Variants in UTP14C observed in about 807,000 individuals in gnomAD.
UTP14C encodes UTP14C small subunit processome component.
Under a neutral mutation model 14.6 loss-of-function variants are expected in UTP14C, and 10 were observed. The ratio of observed to expected loss-of-function variants is 0.68; its 90% CI spans 0.42 to 1.16. The LOEUF (loss-of-function observed/expected upper bound fraction) is 1.16. Ranked by LOEUF, UTP14C falls within the 50% of genes most tolerant of loss-of-function variation. The probability of loss-of-function intolerance (pLI) is 0.00; values close to 1 mark genes in which losing one functional copy is unlikely to be tolerated. For synonymous variants in UTP14C, 315 were observed against 331.6 expected (o/e 0.95, Z 0.54); for missense variants, 818 against 890.8 (o/e 0.92, Z 1.04).
Position 52,032,035 on chromosome 13 carries a change from CATG to C in UTP14C, c.*931_*933del, listed in dbSNP as rs1954311376. ...CAGCAGTTGAGACCAGCCTGAACAA[CATG>C]GTGAAACCCTGTCTGTACTAAAAAT... is the stretch of plus-strand genomic sequence containing the variant. On this transcript the variant is annotated 3_prime_UTR_variant, in exon 2 of 2. Coordinates refer to ENST00000521776, the MANE Select transcript of UTP14C (RefSeq NM_021645.6). The C allele has an allele frequency of 6.4e-6, 1 of 155,642 alleles. No homozygotes were observed. Among genetic ancestry groups the C allele is most frequent in the Non-Finnish European group, 1.5e-5 (1 of 68,062 alleles). The allele number at this position is 155,642 out of a possible 1,614,324, so 9.6% of individuals were successfully genotyped here.
In UTP14C at chr13:52,029,661, A is replaced by C. The variant is rs2140850305; in HGVS notation, c.857A>C (p.Glu286Ala). 1 of 1,614,242 alleles carries C rather than the reference A, an allele frequency of 6.2e-7. No homozygotes were observed. The highest frequency in any genetic ancestry group is 2.2e-5 in the East Asian group (1 of 44,890). ...TVALEEMEKIENARMMERMSL... is the reference protein window; with the variant it reads ...TVALEEMEKIANARMMERMSL... ...GCACTGGAAGAAATGGAAAAAATTG[A>C]AAATGCCAGAATGATGGAAAGAATG... The change falls in exon 2 of 2, where the codon GAA (glutamate) becomes GCA (alanine). Residue 286 changes from glutamate (E) to alanine (A), a missense_variant. By Grantham distance (107) the Glu-to-Ala change is moderately radical (BLOSUM62 -1). Transcript: ENST00000521776.
chr13:52,024,845 TTAAAA>T lies in UTP14C; in HGVS notation c.-574_-570del, dbSNP rs1566706706. The T allele has an allele frequency of 1.9e-6, 3 of 1,613,908 alleles. No homozygotes were observed. Among genetic ancestry groups the T allele is most frequent in the Non-Finnish European group, 1.7e-6 (2 of 1,179,812 alleles). On this transcript the variant is annotated 5_prime_UTR_variant, in exon 1 of 2. It introduces an in-frame stop codon into an upstream open reading frame of the 5' UTR. Transcript: ENST00000521776. ...TTAGGAGTTCAAGAATATGTGGAAT[TTAAAA>T]TAAACATTCCATTTGATGAATTAAA...
rs1468362898 is a variant in UTP14C at position 52,028,793 on chromosome 13, C to A, written c.-12C>A. ...CCATTCTTGGTATACATGAGAGAGG[C>A]TGGCTGCTGAGATGAATGTGAACCA... On this transcript the variant is annotated 5_prime_UTR_variant, in exon 2 of 2. In the 5' UTR this introduces an upstream ATG that the reference lacks. Coordinates refer to ENST00000521776, the MANE Select transcript of UTP14C (RefSeq NM_021645.6). 1 of 1,614,180 alleles carries A rather than the reference C, an allele frequency of 6.2e-7. No homozygotes were observed. The highest frequency in any genetic ancestry group is 2.2e-5 in the East Asian group (1 of 44,882).
chr13:52,026,076 A>C (rs1444489510), intron 1 of UTP14C, among the ~76,000 whole-genome samples: 1 of 152,256 alleles, frequency 6.6e-6, no homozygotes, highest in East Asian at 1.9e-4. Context: ...CTACACAGGC[A>C]AGTGCCGTGC....
Position 52,033,216 on chromosome 13 carries a change from A to AACTT in UTP14C, c.*2112_*2115dup, listed in dbSNP as rs1444685722. 6.0e-6 allele frequency: 1 copy of AACTT among 167,072 alleles called. No individual in the cohort carries two copies. Among genetic ancestry groups the AACTT allele is most frequent in the African/African-American group, 2.4e-5 (1 of 41,438 alleles). The allele number at this position is 167,072 out of a possible 1,614,324, so 10.3% of individuals were successfully genotyped here. A position where few individuals can be genotyped will look rare whatever the true frequency, so the allele number is the denominator to read the frequency against. ...TTTGTCCGCTAGCGTCTGTCTGCAG[A>AACTT]ACTTTCAGGATGACTATTAATTCCT... On this transcript the variant is annotated 3_prime_UTR_variant, in exon 2 of 2. Transcript: ENST00000521776.
Position 52,030,388 on chromosome 13 carries a change from A to T in UTP14C, c.1584A>T (p.Arg528Ser), listed in dbSNP as rs764192896. ...GTTTTCAAAATAAGGAGCTTCCCAG[A>T]CCTGTGTTAGAAGGACAGCAGTCAG... The part of the protein sequence containing the change: ...EDCFQNKELP[R>S]PVLEGQQSER... Residue 528 changes from arginine to serine, a missense_variant, in exon 2 of 2, where the codon AGA becomes AGT. By Grantham distance (110) the Arg-to-Ser change is moderately radical (BLOSUM62 -1). Coordinates refer to ENST00000521776, the MANE Select transcript of UTP14C (RefSeq NM_021645.6). 6.2e-7 allele frequency: 1 copy of T among 1,614,200 alleles called. No individual in the cohort carries two copies. Among genetic ancestry groups the T allele is most frequent in the Non-Finnish European group, 8.5e-7 (1 of 1,180,042 alleles).
rs781555491 is a variant in UTP14C at position 52,024,898 on chromosome 13, A to G, written c.-526A>G. ...AAAGAATTATTTGTCTGAAGCAACA[A>G]TTGGTCTGCATACCATGTGGAACGA... On this transcript the variant is annotated 5_prime_UTR_variant, in exon 1 of 2. Coordinates refer to ENST00000521776, the MANE Select transcript of UTP14C (RefSeq NM_021645.6). The G allele has an allele frequency of 4.3e-6, 7 of 1,612,570 alleles. No homozygotes were observed. In the East Asian group the frequency reaches 6.7e-5, roughly 15 times the overall value.
In UTP14C at chr13:52,030,610, T is replaced by C. The variant is rs1408835886; in HGVS notation, c.1806T>C (p.Asp602=). The part of the protein sequence containing the change: ...QMIKEAFAGD[D]VIRDFLKEKR... ...TAAAGGAAGCTTTTGCTGGGGATGA[T>C]GTCATCAGAGATTTCTTGAAAGAGA... Residue 602 remains aspartate, a synonymous_variant, in exon 2 of 2, where the codon GAT becomes GAC. Coordinates refer to ENST00000521776, the MANE Select transcript of UTP14C (RefSeq NM_021645.6). 1.2e-6 allele frequency: 2 copies of C among 1,614,030 alleles called. No homozygotes were observed. The highest frequency in any genetic ancestry group is 1.3e-5 in the African/African-American group (1 of 74,906).
Position 52,030,155 on chromosome 13 carries a change from A to G in UTP14C, c.1351A>G (p.Ser451Gly). 1 of 1,614,236 alleles carries G rather than the reference A, an allele frequency of 6.2e-7. No individual in the cohort carries two copies. The highest frequency in any genetic ancestry group is 8.5e-7 in the Non-Finnish European group (1 of 1,180,042). Residue 451 changes from serine to glycine, a missense_variant, in exon 2 of 2, where the codon AGC becomes GGC. Ser to Gly is a moderately conservative substitution (Grantham distance 56). Coordinates refer to ENST00000521776, the MANE Select transcript of UTP14C (RefSeq NM_021645.6). ...ASSQETKDSS[S>G]QEVLSELRAL... ...CAGTCAAGAAACAAAAGATTCTAGC[A>G]GCCAGGAGGTGCTGTCCGAATTGAG...
intron 1 of UTP14C, among the ~76,000 whole-genome samples, chr13:52,025,645 G>T (rs1352169241): frequency 6.6e-6 from 1 of 152,154 alleles, no homozygotes; most frequent in African/African-American, 2.4e-5. Flanking sequence ...AGCCTTTCTT[G>T]TTTATTCTGG....
chr13:52,026,875 C>T (rs1954246351), intron 1 of UTP14C, among the ~76,000 whole-genome samples: 1 of 152,094 alleles, frequency 6.6e-6, no homozygotes, highest in Middle Eastern at 3.2e-3. Flanking sequence ...TATCAAAGCT[C>T]CCGTGGATGT....
In UTP14C at chr13:52,029,766, C is replaced by T. The variant is rs1295826659; in HGVS notation, c.962C>T (p.Ala321Val). 2 of 1,614,166 alleles carry T rather than the reference C, an allele frequency of 1.2e-6. No individual in the cohort carries two copies. Among genetic ancestry groups the T allele is most frequent in the Non-Finnish European group, 1.7e-6 (2 of 1,180,028 alleles). Residue 321 changes from alanine (A) to valine (V), a missense_variant, in exon 2 of 2, where the codon GCT becomes GTT. Ala to Val is a moderately conservative substitution (Grantham distance 64). Transcript: ENST00000521776. ...AAATATGACCTGGAGGCTCGCCAAGCTATGCAGGAACAGTTGGCCAAGAAC... is the reference window on the plus strand; with the variant it reads ...AAATATGACCTGGAGGCTCGCCAAGTTATGCAGGAACAGTTGGCCAAGAAC... ...MAKYDLEARQ[A>V]MQEQLAKNKE...
In UTP14C at chr13:52,025,031, T is replaced by G. The variant is rs1329414414; in HGVS notation, c.-487+94T>G. 8 of 1,376,038 alleles carry G rather than the reference T, an allele frequency of 5.8e-6. No homozygotes were observed. In the East Asian group the frequency reaches 1.8e-4, roughly 31 times the overall value. The allele number at this position is 1,376,038 out of a possible 1,614,324, so 85.2% of individuals were successfully genotyped here. On this transcript the variant is annotated intron_variant, in intron 1 of 1. Transcript: ENST00000521776. Reference sequence around the variant, plus strand: ...GATAATACTCTGGAAATCTGCATCATGCCCTAATTCTCTTGCCCTCATCCA... The same window carrying G: ...GATAATACTCTGGAAATCTGCATCAGGCCCTAATTCTCTTGCCCTCATCCA...
At position 52,030,216 on chromosome 13, in the gene UTP14C, C is replaced by G. The variant is rs56058260; in HGVS notation, c.1412C>G (p.Ser471Cys). The G allele has an allele frequency of 8.1e-6, 13 of 1,613,996 alleles. No individual in the cohort carries two copies. The highest frequency in any genetic ancestry group is 1.0e-5 in the Non-Finnish European group (12 of 1,180,040). The change falls in exon 2 of 2, where the codon TCC becomes TGC. Residue 471 changes from serine (S) to cysteine (C), a missense_variant. By Grantham distance (112) the Ser-to-Cys change is moderately radical. Transcript: ENST00000521776. The part of the protein sequence containing the change: ...LSQKLKEKHQ[S>C]RKQKASSEGT... ...CAGAAATTGAAGGAAAAACATCAGTCCAGGAAGCAAAAAGCAAGTTCAGAG... is the reference window on the plus strand; with the variant it reads ...CAGAAATTGAAGGAAAAACATCAGTGCAGGAAGCAAAAAGCAAGTTCAGAG...
Position 52,031,391 on chromosome 13 carries a change from C to G in UTP14C, c.*286C>G. On this transcript the variant is annotated 3_prime_UTR_variant, in exon 2 of 2. Coordinates refer to ENST00000521776, the MANE Select transcript of UTP14C (RefSeq NM_021645.6). ...CCTTAAAAAAGAAATTTTAAACAGA[C>G]TTGTTTAATCGTGTTCTCAAAGCAT... The G allele has an allele frequency of 2.5e-6, 1 of 398,930 alleles. No individual in the cohort carries two copies. The highest frequency in any genetic ancestry group is 4.6e-6 in the Non-Finnish European group (1 of 216,278). 24.7% of individuals were successfully genotyped at this position (398,930 alleles called of 1,614,324 possible). A position where few individuals can be genotyped will look rare whatever the true frequency, so the allele number is the denominator to read the frequency against.
In UTP14C at chr13:52,030,759, C is replaced by T; in HGVS notation, c.1955C>T (p.Ala652Val). 1.2e-6 allele frequency: 2 copies of T among 1,614,198 alleles called. No individual in the cohort carries two copies. The highest frequency in any genetic ancestry group is 1.3e-5 in the African/African-American group (1 of 75,040). Residue 652 changes from alanine to valine, a missense_variant, in exon 2 of 2, where the codon GCC becomes GTC. Transcript: ENST00000521776. ...AKKRRQFLIK[A>V]PEGPPRKDKN... ...AAAAGACGCCAGTTTCTCATTAAAGCCCCTGAGGGTCCTCCAAGAAAAGAT... is the reference window on the plus strand; with the variant it reads ...AAAAGACGCCAGTTTCTCATTAAAGTCCCTGAGGGTCCTCCAAGAAAAGAT...
intron 1 of UTP14C, among the ~76,000 whole-genome samples, chr13:52,028,059 G>C (rs971262310): frequency 3.3e-5 from 5 of 151,744 alleles, no homozygotes; most frequent in African/African-American, 1.2e-4. Context: ...AGGAGTTAGA[G>C]GCCAGCCTGG....
rs930382471 is a variant in UTP14C at position 52,029,504 on chromosome 13, T to G, written c.700T>G (p.Ser234Ala). 1 of 1,614,144 alleles carries G rather than the reference T, an allele frequency of 6.2e-7. No individual in the cohort carries two copies. Among genetic ancestry groups the G allele is most frequent in the Non-Finnish European group, 8.5e-7 (1 of 1,180,026 alleles). The change falls in exon 2 of 2, where the codon TCC (serine) becomes GCC (alanine). Residue 234 changes from serine to alanine, a missense_variant. By Grantham distance (99) the Ser-to-Ala change is moderately conservative (BLOSUM62 1). Transcript: ENST00000521776. ...AELQRARALQ[S>A]YYEAKARKEK... Reference sequence around the variant, plus strand: ...GCTTCAGAGGGCTCGGGCTCTGCAGTCCTACTATGAGGCCAAGGCTCGAAA... The same window carrying G: ...GCTTCAGAGGGCTCGGGCTCTGCAGGCCTACTATGAGGCCAAGGCTCGAAA...
rs1954268000 is a variant in UTP14C at position 52,028,863 on chromosome 13, A to G, written c.59A>G (p.Asp20Gly). ...LALSHQEELV[D>G]LPKNYPLSEN... ...TTGAGCCACCAGGAAGAACTAGTGG[A>G]TTTGCCAAAAAACTACCCCTTGAGT... The change falls in exon 2 of 2, where the codon GAT (aspartate) becomes GGT (glycine). Residue 20 changes from aspartate to glycine, a missense_variant. Asp to Gly is a moderately conservative substitution (Grantham distance 94). Coordinates refer to ENST00000521776, the MANE Select transcript of UTP14C (RefSeq NM_021645.6). The G allele has an allele frequency of 6.2e-7, 1 of 1,614,226 alleles. No individual in the cohort carries two copies. The highest frequency in any genetic ancestry group is 8.5e-7 in the Non-Finnish European group (1 of 1,180,040).
Sources: allele counts gnomAD v4.1 joint callset (sites outside exome capture counted in the v4.1 genomes callset), GRCh38; gene constraint gnomAD v4.1.1; transcripts MANE v1.5; gene names NCBI Gene and HGNC (gene_info 2026-07-23, HGNC 2026-07-21).